The following SNX29 variants were observed in gnomAD, a reference collection of about 807,000 sequenced individuals.
SNX29 encodes the protein sorting nexin 29, also known as sorting nexin-29.
A neutral mutation model predicts 102.1 loss-of-function variants in SNX29; 78 were observed. The observed-to-expected ratio is 0.76, with a 90% CI of 0.64 to 0.92. SNX29 has a LOEUF of 0.92. Ranked by LOEUF, SNX29 falls within the 40% of genes least tolerant of loss-of-function variation. SNX29 has a pLI of 0.00. For synonymous variants in SNX29, 580 were observed against 414.5 expected, an observed-to-expected ratio of 1.40 and a Z score of -4.85; for missense variants, 1,280 against 1,061.7, an observed-to-expected ratio of 1.21 and a Z score of -2.86.
chr16:12,135,251 A>G (rs112565756), intron 13 of SNX29, among the ~76,000 whole-genome samples: 2 of 152,168 alleles, frequency 1.3e-5, no homozygotes, highest in East Asian at 1.9e-4. Context: ...TGATCTAGCT[A>G]TCTGGGCATC....
chr16:12,476,642 G>A (rs1468393035), intron 18 of SNX29, among the ~76,000 whole-genome samples: 2 of 151,238 alleles, frequency 1.3e-5, no homozygotes, highest in African/African-American at 4.9e-5. Flanking sequence ...CTGTAAACTT[G>A]ATAGGCATTC....
chr16:12,147,823 C>A (rs1230379778), intron 13 of SNX29, among the ~76,000 whole-genome samples: 1 of 152,160 alleles, frequency 6.6e-6, no homozygotes, highest in African/African-American at 2.4e-5. Context: ...TAAATATAGC[C>A]AGGATGTGAA....
chr16:12,338,524 C>T (rs1041627534), intron 15 of SNX29, among the ~76,000 whole-genome samples: 1 of 152,246 alleles, frequency 6.6e-6, no homozygotes, highest in African/African-American at 2.4e-5. Flanking sequence ...CTCCTCACAG[C>T]TTCAGGAAAT....
At chr16:12,065,863 T>C (rs796296159) in intron 9 of SNX29, among the ~76,000 whole-genome samples, 7 of 152,304 alleles carry the variant, frequency 4.6e-5, no homozygotes, top group African/African-American at 1.7e-4. Context: ...GTTCAAACCT[T>C]TGCACTTGTT....
intron 20 of SNX29, among the ~76,000 whole-genome samples, chr16:12,540,487 G>T (rs1369193658): frequency 6.6e-6 from 1 of 152,246 alleles, no homozygotes; most frequent in Non-Finnish European, 1.5e-5. Flanking sequence ...CAAGGTGTCG[G>T]CAGGGCTGGC....
chr16:12,081,133 T>A (rs1266751275), intron 11 of SNX29: 3 of 152,228 alleles, frequency 2.0e-5, no homozygotes, highest in Non-Finnish European at 4.4e-5. Flanking sequence ...AGGAAACTAT[T>A]ACTAAGTGTG....
intron 15 of SNX29, among the ~76,000 whole-genome samples, chr16:12,334,073 C>A (rs919860080): frequency 4.6e-5 from 7 of 152,070 alleles, no homozygotes; most frequent in Admixed American, 4.6e-4. Context: ...CATGGCTCAT[C>A]CCTTTCAGCT....
At chr16:12,450,558 C>G (rs1015538998) in intron 18 of SNX29, among the ~76,000 whole-genome samples, 1 of 152,158 alleles carries the variant, frequency 6.6e-6, no homozygotes, top group African/African-American at 2.4e-5. Context: ...GGCTGAGGCC[C>G]GAATCATAGG....
chr16:12,010,870 T>C (rs1338371703), intron 3 of SNX29, among the ~76,000 whole-genome samples: 1 of 152,194 alleles, frequency 6.6e-6, no homozygotes, highest in Non-Finnish European at 1.5e-5. Flanking sequence ...AGTTGAAAAC[T>C]GTCACGTGTA....
chr16:12,313,315 G>C (rs1410399972), intron 15 of SNX29, among the ~76,000 whole-genome samples: 1 of 152,122 alleles, frequency 6.6e-6, no homozygotes, highest in African/African-American at 2.4e-5. Flanking sequence ...CGCCTGGCCT[G>C]GGTTTTTTTA....
intron 20 of SNX29, among the ~76,000 whole-genome samples, chr16:12,553,952 C>G (rs866622764): frequency 6.6e-6 from 1 of 152,154 alleles, no homozygotes; most frequent in Non-Finnish European, 1.5e-5. Context: ...CTCAGCCACC[C>G]AAGTAGCTGG....
chr16:12,173,814 TCTCA>T (rs1461483407), intron 13 of SNX29, among the ~76,000 whole-genome samples: 2 of 152,166 alleles, frequency 1.3e-5, no homozygotes, highest in Non-Finnish European at 1.5e-5. Context: ...AGAGACAGAG[TCTCA>T]CTCTGTTGCC....
intron 16 of SNX29, 127 bp from the exon 17 acceptor site, chr16:12,398,319 C>T: frequency 9.6e-7 from 1 of 1,040,254 alleles, no homozygotes; most frequent in Non-Finnish European, 1.5e-6. Context: ...CCAGTGACTG[C>T]TTTTTCACTT....
At chr16:12,370,733 T>G (rs2082651763) in intron 16 of SNX29, among the ~76,000 whole-genome samples, 1 of 152,184 alleles carries the variant, frequency 6.6e-6, no homozygotes, top group East Asian at 1.9e-4. Context: ...GTCAATGCTG[T>G]TTCGCTGTGT....
chr16:12,105,071 A>G (rs1156618437), intron 11 of SNX29, among the ~76,000 whole-genome samples: 11 of 152,230 alleles, frequency 7.2e-5, no homozygotes, highest in Non-Finnish European at 2.9e-5. Flanking sequence ...TTGGAATTCC[A>G]GGGAAGTCAG....
chr16:12,225,230 GA>G (rs1052312866), intron 14 of SNX29, among the ~76,000 whole-genome samples: 1 of 152,130 alleles, frequency 6.6e-6, no homozygotes, highest in African/African-American at 2.4e-5. Flanking sequence ...ACCTTTAAGG[GA>G]CATCTTTTTT....
chr16:12,206,166 A>T (rs959525266), intron 14 of SNX29, among the ~76,000 whole-genome samples: 6 of 152,200 alleles, frequency 3.9e-5, no homozygotes, highest in African/African-American at 7.2e-5. Context: ...TGGTTGTGTC[A>T]TTCAGAGCTC....
intron 8 of SNX29, among the ~76,000 whole-genome samples, chr16:12,054,566 C>G (rs868142673): frequency 7.9e-5 from 12 of 152,366 alleles, no homozygotes; most frequent in Middle Eastern, 3.4e-3. Flanking sequence ...TCAGCTGGAA[C>G]ATGGCTTTTC....
chr16:12,492,062 GTCAGATGGTAT>G (rs1398073088), intron 19 of SNX29, among the ~76,000 whole-genome samples: 1 of 152,170 alleles, frequency 6.6e-6, no homozygotes, highest in African/African-American at 2.4e-5. Context: ...GGATGGCTGG[GTCAGATGGTAT>G]TTCCAGTTCT....
Sources: gnomAD v4.1 joint callset for allele counts (sites outside exome capture counted in the v4.1 genomes callset) on GRCh38, gnomAD v4.1.1 for gene constraint, MANE v1.5 for transcripts, NCBI Gene and HGNC (gene_info 2026-07-23, HGNC 2026-07-21) for gene names.